The following SLC9A8 variants were observed in gnomAD, a reference collection of about 807,000 sequenced individuals.
SLC9A8 encodes the protein sodium/hydrogen exchanger 8.
SLC9A8 carries 48 observed loss-of-function variants against 66.6 expected under a neutral mutation model. That is an observed-to-expected ratio of 0.72 (90% confidence interval 0.57 to 0.92). The LOEUF (loss-of-function observed/expected upper bound fraction) is 0.92. SLC9A8 is among the 40% of genes least tolerant of loss of function. The probability of loss-of-function intolerance (pLI) is 0.00; values close to 1 mark genes in which losing one functional copy is unlikely to be tolerated. For synonymous variants in SLC9A8, 274 were observed against 282.6 expected (o/e 0.97, Z 0.31); for missense variants, 599 against 747.3 (o/e 0.80, Z 2.31).
At chr20:49,873,653 C>T (rs2089298426) in intron 10 of SLC9A8, among the ~76,000 whole-genome samples, 1 of 151,320 alleles carries the variant, frequency 6.6e-6, no homozygotes, top group Non-Finnish European at 1.5e-5. Context: ...CACTTGTAAT[C>T]CCAGCTACTT....
rs113166175 is a variant in SLC9A8 at position 49,881,073 on chromosome 20, C to T, written c.1270+38C>T. ...TTGGATAAATGGGGTGGGGAAGTAC[C>T]TGTTAAAAGCACGCCCCATACAGGG... is the stretch of plus-strand genomic sequence containing the variant. On this transcript the variant is annotated intron_variant, in intron 13 of 15. Transcript: ENST00000361573. The T allele has an allele frequency of 1.7e-5, 25 of 1,431,802 alleles. No individual in the cohort carries two copies. The African/African-American group carries it at 2.1e-4, about 12-fold the overall frequency. The allele number at this position is 1,431,802 out of a possible 1,614,324, so 88.7% of individuals were successfully genotyped here. A position where few individuals can be genotyped will look rare whatever the true frequency, so the allele number is the denominator to read the frequency against.
intron 3 of SLC9A8, among the ~76,000 whole-genome samples, chr20:49,837,996 T>C: frequency 6.6e-6 from 1 of 151,884 alleles, no homozygotes; most frequent in Non-Finnish European, 1.5e-5. Context: ...AGTAGGATGA[T>C]ACATTATACT....
At chr20:49,862,833 TG>T in intron 8 of SLC9A8, 95 bp from the exon 9 acceptor site, 1 of 950,516 alleles carries the variant, frequency 1.1e-6, no homozygotes. Context: ...AATGAATGAA[TG>T]AATGAGCGAA....
rs990686307 is a variant in SLC9A8, at chr20:49,888,065, G to T, written c.*129G>T. The T allele has an allele frequency of 1.5e-5, 11 of 711,080 alleles. No individual in the cohort carries two copies. The highest frequency in any genetic ancestry group is 2.4e-5 in the Non-Finnish European group (10 of 416,382). The allele number at this position is 711,080 out of a possible 1,614,324, so 44.0% of individuals were successfully genotyped here. On this transcript the variant is annotated 3_prime_UTR_variant, in exon 16 of 16. Transcript: ENST00000361573. ...TCAAGACATAAGAGGGCGGGGCGAG[G>T]TACTGGCTGCAGAGTCGCCTTAGTC...
intron 10 of SLC9A8, among the ~76,000 whole-genome samples, chr20:49,871,319 C>T (rs1367553400): frequency 6.6e-6 from 1 of 152,186 alleles, no homozygotes; most frequent in Non-Finnish European, 1.5e-5. Flanking sequence ...ATACTGTCTT[C>T]CTTTATTACA....
intron 14 of SLC9A8, among the ~76,000 whole-genome samples, chr20:49,885,821 T>G (rs961519348): frequency 1.3e-5 from 2 of 152,116 alleles, no homozygotes; most frequent in African/African-American, 4.8e-5. Flanking sequence ...GGGCACAGAC[T>G]CCCGAGCCTG....
chr20:49,824,775 C>T (rs2086857018), intron 3 of SLC9A8, among the ~76,000 whole-genome samples: 1 of 152,122 alleles, frequency 6.6e-6, no homozygotes, highest in Non-Finnish European at 1.5e-5. Flanking sequence ...ACAGTGTGCT[C>T]AAGGAAGATG....
intron 2 of SLC9A8, among the ~76,000 whole-genome samples, chr20:49,817,518 T>G (rs2146442427): frequency 6.6e-6 from 1 of 151,986 alleles, no homozygotes; most frequent in Non-Finnish European, 1.5e-5. Flanking sequence ...AAAGTATAAC[T>G]TCTCTTACAT....
intron 10 of SLC9A8, among the ~76,000 whole-genome samples, chr20:49,872,780 C>G (rs865844866): frequency 6.6e-6 from 1 of 152,170 alleles, no homozygotes; most frequent in Non-Finnish European, 1.5e-5. Context: ...CCACCGCGCC[C>G]GGCCGATTTT....
chr20:49,816,610 A>T (rs1217027506), intron 2 of SLC9A8, among the ~76,000 whole-genome samples: 1 of 152,144 alleles, frequency 6.6e-6, no homozygotes. Flanking sequence ...AATGCCTCCC[A>T]GTGTGCCTCC....
chr20:49,863,407 T>C (rs2088829316), intron 9 of SLC9A8, among the ~76,000 whole-genome samples: 1 of 152,216 alleles, frequency 6.6e-6, no homozygotes, highest in African/African-American at 2.4e-5. Context: ...AAACTGGAAA[T>C]TAATTTTCTT....
At chr20:49,869,000 CTA>C (rs1318187086) in intron 10 of SLC9A8, among the ~76,000 whole-genome samples, 1 of 152,184 alleles carries the variant, frequency 6.6e-6, no homozygotes, top group Non-Finnish European at 1.5e-5. Context: ...TCCATGTTAA[CTA>C]TTTTTATTGT....
intron 3 of SLC9A8, among the ~76,000 whole-genome samples, chr20:49,836,932 G>A (rs955517941): frequency 7.9e-5 from 12 of 152,194 alleles, no homozygotes; most frequent in African/African-American, 2.4e-4. Flanking sequence ...CAATCTGGGA[G>A]CTGCTTAGGA....
chr20:49,840,938 G>A (rs2087730029), intron 4 of SLC9A8, among the ~76,000 whole-genome samples: 1 of 148,634 alleles, frequency 6.7e-6, no homozygotes, highest in Admixed American at 6.7e-5. Flanking sequence ...GCAACATGGT[G>A]AAACTCCGTC....
intron 15 of SLC9A8, among the ~76,000 whole-genome samples, chr20:49,887,383 C>T (rs2089929175): frequency 1.3e-5 from 2 of 152,150 alleles, no homozygotes; most frequent in Admixed American, 1.3e-4. Flanking sequence ...CTGAGAGCTG[C>T]CGGTGTGTGC....
intron 3 of SLC9A8, among the ~76,000 whole-genome samples, chr20:49,833,458 A>G (rs748899986): frequency 3.3e-5 from 5 of 152,244 alleles, no homozygotes; most frequent in Non-Finnish European, 7.3e-5. Context: ...TTTCTTGGTA[A>G]CAAAAAAAAT....
At chr20:49,873,600 G>A (rs908032221) in intron 10 of SLC9A8, among the ~76,000 whole-genome samples, 2 of 149,188 alleles carry the variant, frequency 1.3e-5, no homozygotes, top group African/African-American at 2.5e-5. Context: ...GAGAAACCTC[G>A]TCTCTACCAA....
At chr20:49,869,457 C>T (rs1010476448) in intron 10 of SLC9A8, among the ~76,000 whole-genome samples, 2 of 150,526 alleles carry the variant, frequency 1.3e-5, no homozygotes, top group African/African-American at 4.9e-5. Context: ...CTCCTGACCT[C>T]GTGATCTGTC....
chr20:49,848,181 C>T (rs1244239096), intron 5 of SLC9A8, among the ~76,000 whole-genome samples: 1 of 152,034 alleles, frequency 6.6e-6, no homozygotes, highest in African/African-American at 2.4e-5. Flanking sequence ...GCCTTGGCCT[C>T]CCAAAGTGCT....
Sources: allele counts gnomAD v4.1 joint callset (sites outside exome capture counted in the v4.1 genomes callset), GRCh38; gene constraint gnomAD v4.1.1; transcripts MANE v1.5; gene names NCBI Gene and HGNC (gene_info 2026-07-23, HGNC 2026-07-21).